PCDHA9: variants seen among roughly 807,000 people sequenced by gnomAD.
The protein encoded by PCDHA9 is protocadherin alpha-9.
A neutral mutation model predicts 62.0 loss-of-function variants in PCDHA9; 62 were observed. The ratio of observed to expected loss-of-function variants is 1.00; its 90% CI spans 0.81 to 1.23. The LOEUF (loss-of-function observed/expected upper bound fraction) is 1.23. PCDHA9 is among the 50% of genes most tolerant of loss of function. The probability of loss-of-function intolerance (pLI) is 0.00; values close to 1 mark genes in which losing one functional copy is unlikely to be tolerated. For synonymous variants in PCDHA9, 557 were observed against 567.6 expected, an observed-to-expected ratio of 0.98 and a Z score of 0.27; for missense variants, 1,205 against 1,249.8, an observed-to-expected ratio of 0.96 and a Z score of 0.54.
chr5:140,949,685 G>A (rs1044878374), intron 1 of PCDHA9, among the ~76,000 whole-genome samples: 4 of 151,794 alleles, frequency 2.6e-5, no homozygotes, highest in East Asian at 1.9e-4. Flanking sequence ...TTGTTGAAGC[G>A]TATTGTTGGA....
chr5:140,866,677 G>A (rs782218499), intron 1 of PCDHA9: 2 of 152,084 alleles, frequency 1.3e-5, no homozygotes, highest in African/African-American at 2.4e-5. Context: ...AATAGCACTA[G>A]GTCTGTTAGA....
intron 1 of PCDHA9, chr5:140,865,696 A>G (rs1233175579): frequency 2.0e-5 from 3 of 152,192 alleles, no homozygotes; most frequent in African/African-American, 7.2e-5. Flanking sequence ...GACTGTTCCA[A>G]TTTGAAAGAT....
At chr5:140,860,165 G>T (rs1045558132) in intron 1 of PCDHA9, 2 of 147,750 alleles carry the variant, frequency 1.4e-5, no homozygotes, top group Admixed American at 1.4e-4. Flanking sequence ...ATATATATAT[G>T]TATATATATA....
intron 1 of PCDHA9, among the ~76,000 whole-genome samples, chr5:140,899,418 C>T (rs552409062): frequency 1.3e-5 from 2 of 152,254 alleles, no homozygotes; most frequent in African/African-American, 4.8e-5. Context: ...TGAATTTTGT[C>T]AAAGGTCTTT....
At chr5:140,929,554 C>T (rs899446101) in intron 1 of PCDHA9, 4 of 488,414 alleles carry the variant, frequency 8.2e-6, no homozygotes, top group Non-Finnish European at 1.4e-5. Context: ...AAAATTAAAA[C>T]CTATTTAAGA....
chr5:140,959,424 G>A (rs957625236), intron 1 of PCDHA9, among the ~76,000 whole-genome samples: 1 of 152,104 alleles, frequency 6.6e-6, no homozygotes, highest in Non-Finnish European at 1.5e-5. Context: ...CTGAGAATTT[G>A]TGTATTTTTT....
intron 1 of PCDHA9, among the ~76,000 whole-genome samples, chr5:140,925,706 T>C (rs371734955): frequency 2.0e-5 from 3 of 151,422 alleles, no homozygotes; most frequent in Admixed American, 6.6e-5. Context: ...AGCCTATTCT[T>C]ATCCTGCCTC....
intron 1 of PCDHA9, among the ~76,000 whole-genome samples, chr5:140,916,434 C>T (rs1554197442): frequency 1.3e-5 from 2 of 152,184 alleles, no homozygotes; most frequent in Non-Finnish European, 2.9e-5. Context: ...AACCTAAGGC[C>T]CACAGTATAC....
At chr5:140,866,405 A>G (rs2049336607) in intron 1 of PCDHA9, 1 of 152,116 alleles carries the variant, frequency 6.6e-6, no homozygotes, top group Admixed American at 6.6e-5. Context: ...TCCCATGAAA[A>G]TCTTCAAATG....
chr5:140,918,703 A>G (rs2153549940), intron 1 of PCDHA9, among the ~76,000 whole-genome samples: 1 of 152,306 alleles, frequency 6.6e-6, no homozygotes, highest in Non-Finnish European at 1.5e-5. Context: ...TTAAGTCATG[A>G]GGGCAGAGCC....
intron 1 of PCDHA9, chr5:140,883,260 C>A (rs1554177345): frequency 6.2e-7 from 1 of 1,613,946 alleles, no homozygotes; most frequent in Non-Finnish European, 8.5e-7. Context: ...ATTCCAATGG[C>A]GGGTCATTGT....
At chr5:140,937,933 A>T (rs1452935525) in intron 1 of PCDHA9, among the ~76,000 whole-genome samples, 1 of 151,854 alleles carries the variant, frequency 6.6e-6, no homozygotes, top group Non-Finnish European at 1.5e-5. Flanking sequence ...AAAAAGTTTA[A>T]TTTGATAATT....
At chr5:140,877,374 A>T in intron 1 of PCDHA9, 1 of 1,613,970 alleles carries the variant, frequency 6.2e-7, no homozygotes, top group African/African-American at 1.3e-5. Flanking sequence ...TCAGCACGAC[A>T]CGCATCCTGG....
Position 140,849,934 on chromosome 5 carries a change from G to A in PCDHA9, c.1439G>A (p.Arg480Gln), listed in dbSNP as rs2150458402. The A allele has an allele frequency of 6.3e-7, 1 of 1,598,054 alleles. No individual in the cohort carries two copies. Among genetic ancestry groups the A allele is most frequent in the East Asian group, 2.2e-5 (1 of 44,852 alleles). The change falls in exon 1 of 4, where the codon CGG becomes CAG. Residue 480 changes from arginine (R) to glutamine (Q), a missense_variant. Transcript: ENST00000532602. ...TGCCACATCTTCACGGTGTCTGCGC[G>A]GGACGCTGACGCGCAGGAGAACGCC... The part of the protein sequence containing the change: ...PGCHIFTVSA[R>Q]DADAQENALV...
chr5:140,898,547 A>C (rs1337213913), intron 1 of PCDHA9, among the ~76,000 whole-genome samples: 3 of 152,078 alleles, frequency 2.0e-5, no homozygotes, highest in Non-Finnish European at 4.4e-5. Flanking sequence ...CCATTTATCT[A>C]TGTCTCTGTT....
intron 3 of PCDHA9, among the ~76,000 whole-genome samples, chr5:141,005,485 T>C (rs57509018): frequency 5.3e-5 from 8 of 151,370 alleles, no homozygotes; most frequent in Non-Finnish European, 1.0e-4. Context: ...GGGCGGATCA[T>C]GAGGTCAGGA....
chr5:140,944,316 T>C lies in PCDHA9; in HGVS notation c.2395-34633T>C, dbSNP rs140163712. On this transcript the variant is annotated intron_variant, in intron 1 of 3. Coordinates refer to ENST00000532602, the MANE Select transcript of PCDHA9 (RefSeq NM_031857.2). ...GATCCTCCTACCTCAGCCTCCTGAG[T>C]AGCTGGGATTACAAGCACGTGCCAC... 4.3e-3 allele frequency among the ~76,000 whole-genome samples: 654 copies of C among 152,070 alleles called. 5 individuals carry two copies. The highest frequency in any genetic ancestry group is 5.5e-3 in the Non-Finnish European group (376 of 67,970).
At chr5:140,930,918 T>G (rs1554208161) in intron 1 of PCDHA9, among the ~76,000 whole-genome samples, 1 of 152,180 alleles carries the variant, frequency 6.6e-6, no homozygotes, top group East Asian at 1.9e-4. Context: ...ACTTTAGATG[T>G]GTATATGTGG....
chr5:140,876,551 A>G (rs781855200), intron 1 of PCDHA9: 1 of 1,614,184 alleles, frequency 6.2e-7, no homozygotes, highest in Admixed American at 1.7e-5. Context: ...CTCCCTGTGC[A>G]AGAGGATGCT....
Sources: gnomAD v4.1 joint callset for allele counts (sites outside exome capture counted in the v4.1 genomes callset) on GRCh38, gnomAD v4.1.1 for gene constraint, MANE v1.5 for transcripts, NCBI Gene and HGNC (gene_info 2026-07-23, HGNC 2026-07-21) for gene names.